The following SCFD2 variants were observed in gnomAD, a reference collection of about 807,000 sequenced individuals.
The protein encoded by SCFD2 is sec1 family domain-containing protein 2.
In SCFD2, 54 loss-of-function variants were observed where a neutral mutation model predicts 58.9. The ratio of observed to expected loss-of-function variants is 0.92; its 90% CI spans 0.74 to 1.15. SCFD2 has a LOEUF of 1.15. Among genes scored for constraint, SCFD2 ranks in the 50% most tolerant of loss-of-function variants. The pLI is 0.00. For synonymous variants in SCFD2, 321 were observed against 335.9 expected (o/e 0.96, Z 0.49); for missense variants, 805 against 836.6 (o/e 0.96, Z 0.47).
intron 5 of SCFD2, among the ~76,000 whole-genome samples, chr4:52,951,229 T>A (rs1720585459): frequency 6.6e-6 from 1 of 152,138 alleles, no homozygotes; most frequent in Non-Finnish European, 1.5e-5. Flanking sequence ...TTCTGCTGAG[T>A]ATTAGCAATG....
At chr4:52,961,260 G>T (rs1296984219) in intron 5 of SCFD2, among the ~76,000 whole-genome samples, 1 of 152,186 alleles carries the variant, frequency 6.6e-6, no homozygotes, top group Non-Finnish European at 1.5e-5. Flanking sequence ...CATGGGAAAG[G>T]GAAGTTCTCC....
At chr4:53,207,425 T>A (rs1420005865) in intron 4 of SCFD2, among the ~76,000 whole-genome samples, 1 of 141,598 alleles carries the variant, frequency 7.1e-6, no homozygotes, top group Non-Finnish European at 1.5e-5. Flanking sequence ...CTGGAAAAGG[T>A]CAAACTTGAA....
chr4:53,258,416 T>A (rs143746004), intron 4 of SCFD2, among the ~76,000 whole-genome samples: 23 of 151,888 alleles, frequency 1.5e-4, no homozygotes, highest in Non-Finnish European at 2.9e-4. Context: ...GAACATAAGA[T>A]GTTTGGTTTT....
chr4:52,907,708 A>ATGTGTG (rs10557430), intron 6 of SCFD2, 117 bp from the exon 7 acceptor site: 771 of 685,018 alleles, frequency 1.1e-3, no homozygotes, highest in East Asian at 6.9e-3. Context: ...CAATGCCTAT[A>ATGTGTG]TGTGTGTGTG....
intron 2 of SCFD2, among the ~76,000 whole-genome samples, chr4:53,328,544 A>T (rs1733292850): frequency 6.6e-6 from 1 of 152,234 alleles, no homozygotes; most frequent in East Asian, 1.9e-4. Context: ...CCCATTGAAT[A>T]AAATACGAAT....
chr4:53,248,489 G>A (rs1440519993), intron 4 of SCFD2, among the ~76,000 whole-genome samples: 1 of 152,226 alleles, frequency 6.6e-6, no homozygotes, highest in Non-Finnish European at 1.5e-5. Context: ...CAAACAAAAA[G>A]ACAGCAGTAA....
At chr4:53,219,463 C>T (rs1257492570) in intron 4 of SCFD2, among the ~76,000 whole-genome samples, 1 of 152,174 alleles carries the variant, frequency 6.6e-6, no homozygotes, top group East Asian at 1.9e-4. Context: ...TCCTGGTGTG[C>T]CGTTTGCTAA....
chr4:53,029,240 GA>G (rs369363997), intron 5 of SCFD2, among the ~76,000 whole-genome samples: 2,940 of 103,848 alleles, frequency 0.028, 101 homozygotes, highest in African/African-American at 0.079. Context: ...AAAATCTTAC[GA>G]AAAAAAAAAT....
chr4:53,329,224 G>C (rs900993042), intron 2 of SCFD2, among the ~76,000 whole-genome samples: 11 of 152,210 alleles, frequency 7.2e-5, no homozygotes, highest in African/African-American at 1.4e-4. Flanking sequence ...CTGGAAGCTC[G>C]AACTGGGTGG....
In SCFD2 at chr4:52,972,359, T is replaced by C. The variant is rs1721128305; in HGVS notation, c.1562-51489A>G. 2.0e-5 allele frequency among the ~76,000 whole-genome samples: 3 copies of C among 151,116 alleles called. 1 individual carries two copies. The highest frequency in any genetic ancestry group is 7.3e-5 in the African/African-American group (3 of 40,998). Reference sequence around the variant, plus strand: ...AATGGAAAACAAAAAAAGGCAAGGGTTGCAATCCTAGTCTCGGATAAAACA... The same window carrying C: ...AATGGAAAACAAAAAAAGGCAAGGGCTGCAATCCTAGTCTCGGATAAAACA... On this transcript the variant is annotated intron_variant, in intron 5 of 8. Transcript: ENST00000401642.
At chr4:53,250,357 C>A (rs1730314419) in intron 4 of SCFD2, among the ~76,000 whole-genome samples, 1 of 152,090 alleles carries the variant, frequency 6.6e-6, no homozygotes, top group South Asian at 2.1e-4. Flanking sequence ...TAATGGGAGA[C>A]TTTAACACCC....
At chr4:53,044,230 C>T (rs1722969746) in intron 5 of SCFD2, among the ~76,000 whole-genome samples, 1 of 152,246 alleles carries the variant, frequency 6.6e-6, no homozygotes, top group South Asian at 2.1e-4. Context: ...ACTTGTCAGA[C>T]CTGCATCAGA....
At chr4:53,065,902 A>G (rs1295567706) in intron 5 of SCFD2, among the ~76,000 whole-genome samples, 2 of 152,112 alleles carry the variant, frequency 1.3e-5, no homozygotes, top group East Asian at 1.9e-4. Context: ...AAAATGATCA[A>G]CTGAGCCCTT....
Position 52,969,528 on chromosome 4 carries a change from G to A in SCFD2, c.1562-48658C>T, listed in dbSNP as rs529428321. Among the ~76,000 whole-genome samples the A allele has an allele frequency of 2.0e-5, 3 of 152,334 alleles. No homozygotes were observed. In the South Asian group the frequency reaches 6.2e-4, roughly 32 times the overall value. Reference sequence around the variant, plus strand: ...TAGATGAACAGTTCAGTCCCTGGAAGTTGGCTTGGCCATGTGATTTGTGTT... The same window carrying A: ...TAGATGAACAGTTCAGTCCCTGGAAATTGGCTTGGCCATGTGATTTGTGTT... On this transcript the variant is annotated intron_variant, in intron 5 of 8. Coordinates refer to ENST00000401642, the MANE Select transcript of SCFD2 (RefSeq NM_152540.4).
intron 3 of SCFD2, among the ~76,000 whole-genome samples, chr4:53,294,361 T>C (rs1372079832): frequency 6.6e-6 from 1 of 152,216 alleles, no homozygotes; most frequent in Non-Finnish European, 1.5e-5. Context: ...TGGTACATCA[T>C]TGTAGTTTTG....
At chr4:53,325,693 T>G (rs1249183982) in intron 2 of SCFD2, among the ~76,000 whole-genome samples, 1 of 152,230 alleles carries the variant, frequency 6.6e-6, no homozygotes, top group Non-Finnish European at 1.5e-5. Context: ...TTGACTTATT[T>G]TTATCTCCTT....
intron 7 of SCFD2, among the ~76,000 whole-genome samples, chr4:52,899,770 G>A (rs1480299718): frequency 2.6e-5 from 4 of 152,154 alleles, no homozygotes; most frequent in African/African-American, 7.2e-5. Context: ...CATTCTTCCC[G>A]TCACTTTCAG....
At chr4:53,280,347 C>A (rs1480662832) in intron 3 of SCFD2, among the ~76,000 whole-genome samples, 7 of 152,138 alleles carry the variant, frequency 4.6e-5, no homozygotes, top group African/African-American at 1.7e-4. Context: ...GAAACCCCAT[C>A]TCTACTGAAA....
At chr4:53,336,076 A>T (rs1733674865) in intron 2 of SCFD2, among the ~76,000 whole-genome samples, 1 of 152,204 alleles carries the variant, frequency 6.6e-6, no homozygotes, top group Non-Finnish European at 1.5e-5. Context: ...TCTAGATTGT[A>T]TAAAGCCCTT....
Sources: gnomAD v4.1 joint callset for allele counts (sites outside exome capture counted in the v4.1 genomes callset) on GRCh38, gnomAD v4.1.1 for gene constraint, MANE v1.5 for transcripts, NCBI Gene and HGNC (gene_info 2026-07-23, HGNC 2026-07-21) for gene names.